DSCAM: variants seen among roughly 807,000 people sequenced by gnomAD.
DSCAM encodes cell adhesion molecule DSCAM.
In DSCAM, 47 loss-of-function variants were observed where a neutral mutation model predicts 217.7. The ratio of observed to expected loss-of-function variants is 0.22; its 90% CI spans 0.17 to 0.28. DSCAM has a LOEUF of 0.28. Among genes scored for constraint, DSCAM ranks in the 10% least tolerant of loss-of-function variants. DSCAM has a pLI of 1.00. For synonymous variants in DSCAM, 1,056 were observed against 1,015.3 expected (o/e 1.04, Z -0.76); for missense variants, 2,080 against 2,618.3 (o/e 0.79, Z 4.49).
intron 32 of DSCAM, among the ~76,000 whole-genome samples, chr21:40,030,354 CTG>C (rs1002544564): frequency 2.6e-5 from 4 of 152,102 alleles, no homozygotes; most frequent in African/African-American, 4.8e-5. Flanking sequence ...TCGTTCCCGA[CTG>C]TGGTGAGTGC....
intron 12 of DSCAM, 21 bp downstream of exon 12, chr21:40,189,021 T>C (rs1371225026): frequency 5.6e-6 from 9 of 1,611,766 alleles, no homozygotes; most frequent in Middle Eastern, 1.6e-4. Context: ...TTCCATTGTG[T>C]TGTATTTGCC....
Position 40,433,247 on chromosome 21 carries a change from G to A in DSCAM, c.509-64002C>T, listed in dbSNP as rs1483680377. Among the ~76,000 whole-genome samples, 5 of 151,490 alleles carry A rather than the reference G, an allele frequency of 3.3e-5. No homozygotes were observed. The Admixed American group carries it at 3.3e-4, about 10-fold the overall frequency. On this transcript the variant is annotated intron_variant, in intron 3 of 32. Transcript: ENST00000400454. ...GTAGGTAGTCCCAGCTACGCGGGAG[G>A]CTGAGGCAGAAGAATTGCTTGAACT...
chr21:40,666,087 C>T (rs1218638898), intron 3 of DSCAM, among the ~76,000 whole-genome samples: 2 of 151,990 alleles, frequency 1.3e-5, no homozygotes, highest in Admixed American at 6.6e-5. Flanking sequence ...TGGGGACTGC[C>T]AACAATTTAA....
At chr21:40,474,465 T>C (rs546070841) in intron 3 of DSCAM, among the ~76,000 whole-genome samples, 1 of 152,306 alleles carries the variant, frequency 6.6e-6, no homozygotes, top group East Asian at 1.9e-4. Context: ...GGCAATACTT[T>C]TCTTTGTCCA....
At chr21:40,086,061 C>T (rs887184606) in intron 22 of DSCAM, among the ~76,000 whole-genome samples, 1 of 152,200 alleles carries the variant, frequency 6.6e-6, no homozygotes, top group African/African-American at 2.4e-5. Context: ...TCCCTCTTTA[C>T]TCCACTCTGT....
At chr21:40,763,700 C>G (rs1254985686) in intron 1 of DSCAM, among the ~76,000 whole-genome samples, 1 of 152,178 alleles carries the variant, frequency 6.6e-6, no homozygotes, top group Non-Finnish European at 1.5e-5. Flanking sequence ...AAATATACTA[C>G]AAGTCTACCA....
At chr21:40,488,883 C>A (rs545195621) in intron 3 of DSCAM, among the ~76,000 whole-genome samples, 1 of 152,078 alleles carries the variant, frequency 6.6e-6, no homozygotes, top group African/African-American at 2.4e-5. Context: ...GAGTTCACAG[C>A]GATTTCAAAG....
At chr21:40,805,004 C>T (rs958919692) in intron 1 of DSCAM, among the ~76,000 whole-genome samples, 3 of 152,178 alleles carry the variant, frequency 2.0e-5, no homozygotes, top group Non-Finnish European at 4.4e-5. Context: ...AAGGCACGTC[C>T]ACTCAGCTGT....
intron 11 of DSCAM, among the ~76,000 whole-genome samples, chr21:40,244,502 C>G (rs2073196346): frequency 6.6e-6 from 1 of 151,422 alleles, no homozygotes; most frequent in Non-Finnish European, 1.5e-5. Flanking sequence ...AGACTACTCT[C>G]CATTTAATCA....
chr21:40,331,444 T>A (rs901922444), intron 8 of DSCAM, among the ~76,000 whole-genome samples: 4 of 152,214 alleles, frequency 2.6e-5, no homozygotes, highest in African/African-American at 9.6e-5. Flanking sequence ...GCATTATTTT[T>A]AACTCAGCAT....
At chr21:40,791,413 G>A (rs1461736313) in intron 1 of DSCAM, among the ~76,000 whole-genome samples, 1 of 152,158 alleles carries the variant, frequency 6.6e-6, no homozygotes, top group African/African-American at 2.4e-5. Flanking sequence ...CCAGCACTTT[G>A]GGAGGCTGAG....
chr21:40,158,612 C>T (rs1225284449), intron 16 of DSCAM, among the ~76,000 whole-genome samples: 6 of 152,284 alleles, frequency 3.9e-5, no homozygotes, highest in South Asian at 2.1e-4. Context: ...AACACAGGCA[C>T]TCCCTGAATC....
chr21:40,077,480 G>A (rs1340575802), intron 26 of DSCAM, among the ~76,000 whole-genome samples: 1 of 152,142 alleles, frequency 6.6e-6, no homozygotes, highest in Non-Finnish European at 1.5e-5. Context: ...GGGTCCTTAG[G>A]TTCACAGCCA....
At chr21:40,019,196 A>G (rs1439472471) in intron 32 of DSCAM, among the ~76,000 whole-genome samples, 3 of 152,068 alleles carry the variant, frequency 2.0e-5, no homozygotes, top group Non-Finnish European at 4.4e-5. Flanking sequence ...TAGCAAGACA[A>G]CTCATGCAGT....
intron 3 of DSCAM, among the ~76,000 whole-genome samples, chr21:40,463,280 G>A (rs2075819945): frequency 6.6e-6 from 1 of 151,914 alleles, no homozygotes; most frequent in South Asian, 2.1e-4. Context: ...CAAATGCCTA[G>A]TTTAAATCAC....
chr21:40,311,523 A>G (rs1394308108), intron 9 of DSCAM, among the ~76,000 whole-genome samples: 7 of 152,206 alleles, frequency 4.6e-5, no homozygotes, highest in Non-Finnish European at 1.0e-4. Flanking sequence ...AAGTACTACC[A>G]TACTCTGCTT....
At chr21:40,237,685 G>A (rs567684896) in intron 11 of DSCAM, among the ~76,000 whole-genome samples, 1 of 152,308 alleles carries the variant, frequency 6.6e-6, no homozygotes, top group African/African-American at 2.4e-5. Context: ...ACATGTGCAT[G>A]TGTCTTTATA....
rs138304272 is a variant in DSCAM, at chr21:40,584,934, G to A, written c.508+107876C>T. On this transcript the variant is annotated intron_variant, in intron 3 of 32. Coordinates refer to ENST00000400454, the MANE Select transcript of DSCAM (RefSeq NM_001389.5). ...GGATCCTTATAAATGGCTTGGTGCC[G>A]TCTTCACGGTAATGAGTGAGTTTCA... Among the ~76,000 whole-genome samples the A allele has an allele frequency of 2.8e-4, 42 of 152,270 alleles. 1 individual carries two copies. The East Asian group carries it at 4.5e-3, about 16-fold the overall frequency.
At chr21:40,432,126 C>A (rs2075539010) in intron 3 of DSCAM, among the ~76,000 whole-genome samples, 1 of 151,926 alleles carries the variant, frequency 6.6e-6, no homozygotes, top group Non-Finnish European at 1.5e-5. Context: ...TTGCTTGAAC[C>A]CAGGAGGTTG....
Sources: gnomAD v4.1 joint callset for allele counts (sites outside exome capture counted in the v4.1 genomes callset) on GRCh38, gnomAD v4.1.1 for gene constraint, MANE v1.5 for transcripts, NCBI Gene and HGNC (gene_info 2026-07-23, HGNC 2026-07-21) for gene names.